DHX29: variants seen among roughly 807,000 people sequenced by gnomAD.
The protein encoded by DHX29 is DExH-box helicase 29, also known as ATP-dependent RNA helicase DHX29.
In DHX29, 79 loss-of-function variants were observed where a neutral mutation model predicts 167.9. The observed-to-expected ratio is 0.47, with a 90% confidence interval of 0.39 to 0.57. The LOEUF (loss-of-function observed/expected upper bound fraction) is 0.57, where lower values mean the gene tolerates loss of function less well. Ranked by LOEUF, DHX29 falls within the 20% of genes least tolerant of loss-of-function variation. The pLI, the probability that DHX29 is intolerant of heterozygous loss-of-function variation, is 0.00. For synonymous variants in DHX29, 530 were observed against 546.0 expected, an observed-to-expected ratio of 0.97 and a Z score of 0.41; for missense variants, 1,347 against 1,593.4, an observed-to-expected ratio of 0.85 and a Z score of 2.63.
chr5:55,282,798 TC>T (rs1579787928), intron 11 of DHX29, among the ~76,000 whole-genome samples: 1 of 152,274 alleles, frequency 6.6e-6, no homozygotes, highest in East Asian at 1.9e-4. Context: ...ATACTGTTTT[TC>T]CCTTCTGCTC....
intron 26 of DHX29, 40 bp from the exon 27 acceptor site, chr5:55,256,580 C>T: frequency 6.4e-7 from 1 of 1,560,912 alleles, no homozygotes. Context: ...ATAAATGCAA[C>T]ATTGTCTAAT....
intron 23 of DHX29, among the ~76,000 whole-genome samples, chr5:55,265,978 TCTC>T (rs1325983411): frequency 1.3e-5 from 2 of 152,056 alleles, no homozygotes; most frequent in East Asian, 1.9e-4. Flanking sequence ...ATGTAGATTC[TCTC>T]CTTTCAACTT....
chr5:55,304,131 G>A (rs1428350931), intron 1 of DHX29, among the ~76,000 whole-genome samples: 1 of 151,916 alleles, frequency 6.6e-6, no homozygotes, highest in East Asian at 1.9e-4. Context: ...AAAGAAGAAA[G>A]AAAAGAAAAG....
In DHX29 at chr5:55,277,218, C is replaced by T. The variant is rs778578334; in HGVS notation, c.2174G>A (p.Arg725His). 5 of 1,585,684 alleles carry T rather than the reference C, an allele frequency of 3.2e-6. No homozygotes were observed. The highest frequency in any genetic ancestry group is 2.3e-5 in the East Asian group (1 of 43,736). The change falls in exon 13 of 27, where the codon CGT (arginine) becomes CAT (histidine). Residue 725 changes from arginine to histidine, a missense_variant. Physicochemically the swap from Arg to His is conservative, Grantham distance 29. This residue lies in a region of DHX29 where 882 missense variants were observed against 1,082.4 expected (regional missense o/e 0.81). Coordinates refer to ENST00000251636, the MANE Select transcript of DHX29 (RefSeq NM_019030.4). ...CATTAGAATCAAGTGTAGATCAGAA[C>T]GTTTCTGTAAAATTTCCTTCAAGAT... ...LIILKEILQK[R>H]SDLHLILMSA...
At chr5:55,273,228 G>C in intron 17 of DHX29, 65 bp downstream of exon 17, 1 of 1,475,790 alleles carries the variant, frequency 6.8e-7, no homozygotes. Context: ...ATGATAAAAA[G>C]TTATACGGCC....
chr5:55,296,572 C>G (rs1189969423), intron 3 of DHX29, among the ~76,000 whole-genome samples: 1 of 152,084 alleles, frequency 6.6e-6, no homozygotes, highest in Non-Finnish European at 1.5e-5. Context: ...TTCTCACTAT[C>G]CAAAGATACT....
chr5:55,275,355 G>A (rs1298627882), intron 14 of DHX29, among the ~76,000 whole-genome samples: 20 of 152,254 alleles, frequency 1.3e-4, no homozygotes, highest in African/African-American at 4.1e-4. Context: ...AGGTCATAAC[G>A]TTAGTAAGTA....
rs144228375 is a variant in DHX29 at position 55,286,128 on chromosome 5, C to T, written c.1067-267G>A. Among the ~76,000 whole-genome samples the T allele has an allele frequency of 6.4e-3, 967 of 152,096 alleles. 12 individuals carry two copies. The highest frequency in any genetic ancestry group is 0.021 in the African/African-American group (885 of 41,470). ...AAATTATTCGGCGTGGTGGCGGGCG[C>T]CTGTAGTCCCAGCTACTCGGGAGGC... is the stretch of plus-strand genomic sequence containing the variant. On this transcript the variant is annotated intron_variant, in intron 8 of 26. Transcript: ENST00000251636.
At position 55,294,082 on chromosome 5, in the gene DHX29, G is replaced by T; in HGVS notation, c.715C>A (p.Gln239Lys). The change falls in exon 6 of 27, where the codon CAA (glutamine) becomes AAA (lysine). Residue 239 changes from glutamine to lysine, a missense_variant. Physicochemically the swap from Gln to Lys is moderately conservative, Grantham distance 53. Around this residue, in one of 3 missense-constraint regions of DHX29, gnomAD observed 405 missense variants for 416.8 expected, o/e 0.97. Coordinates refer to ENST00000251636, the MANE Select transcript of DHX29 (RefSeq NM_019030.4). The stretch of plus-strand genomic sequence containing the variant: ...TCATTCTTTTCTTCTTCATTTTGTT[G>T]TTCAGCATATCGTAAAATCCACTCT... ...MKEWILRYAE[Q>K]QNEEEKNENS... is the part of the protein sequence containing the mutation. The T allele has an allele frequency of 6.2e-7, 1 of 1,606,230 alleles. No homozygotes were observed. Among genetic ancestry groups the T allele is most frequent in the Non-Finnish European group, 8.5e-7 (1 of 1,176,784 alleles).
chr5:55,269,314 T>C, intron 21 of DHX29, 99 bp downstream of exon 21: 2 of 1,143,144 alleles, frequency 1.7e-6, no homozygotes, highest in Non-Finnish European at 2.5e-6. Flanking sequence ...GACATTCTAT[T>C]TAGTTAAAAA....
At chr5:55,289,707 G>GA (rs1050741731) in intron 7 of DHX29, among the ~76,000 whole-genome samples, 4 of 151,974 alleles carry the variant, frequency 2.6e-5, no homozygotes, top group Non-Finnish European at 5.9e-5. Context: ...AATAAGCCTG[G>GA]AAAAACAAAC....
Position 55,262,810 on chromosome 5 carries a change from A to T in DHX29, c.3648T>A (p.Leu1216=). 6.2e-7 allele frequency: 1 copy of T among 1,614,054 alleles called. No individual in the cohort carries two copies. The highest frequency in any genetic ancestry group is 2.2e-5 in the East Asian group (1 of 44,868). ...ACAGTCCAGCCACCAGTACAGCTTT[A>T]AGAAGGGCAATTTCTTGGAATGAGA... ...QTLSFQEIAL[L]KAVLVAGLYD... The change falls in exon 24 of 27, where the codon CTT becomes CTA. Residue 1216 remains leucine, a synonymous_variant. Transcript: ENST00000251636.
Position 55,267,998 on chromosome 5 carries a change from T to C in DHX29, c.3295-176A>G, listed in dbSNP as rs78134148. Among the ~76,000 whole-genome samples the C allele has an allele frequency of 2.0e-3, 311 of 152,300 alleles. 2 individuals carry two copies. Among genetic ancestry groups the C allele is most frequent in the African/African-American group, 7.3e-3 (305 of 41,574 alleles). On this transcript the variant is annotated intron_variant, in intron 21 of 26. Coordinates refer to ENST00000251636, the MANE Select transcript of DHX29 (RefSeq NM_019030.4). ...ACTAATTAATGTTTAATATAAAATA[T>C]TCTATAGCTAACTTATATTTTCATT... is the stretch of plus-strand genomic sequence containing the variant.
Position 55,285,607 on chromosome 5 carries a change from C to T in DHX29, c.1232+89G>A, listed in dbSNP as rs1006152855. The T allele has an allele frequency of 1.8e-5, 25 of 1,391,260 alleles. No individual in the cohort carries two copies. In the Admixed American group the frequency reaches 4.6e-4, roughly 26 times the overall value. The allele number at this position is 1,391,260 out of a possible 1,614,324, so 86.2% of individuals were successfully genotyped here. On this transcript the variant is annotated intron_variant, in intron 9 of 26. Coordinates refer to ENST00000251636, the MANE Select transcript of DHX29 (RefSeq NM_019030.4). The stretch of plus-strand genomic sequence containing the variant: ...GAATTGAGAGCTTCCTAAATGTCTG[C>T]TTACCTCACAGGGAACAAAAAGATT...
chr5:55,301,098 C>A (rs745888971), intron 1 of DHX29, among the ~76,000 whole-genome samples: 1 of 152,168 alleles, frequency 6.6e-6, no homozygotes, highest in Admixed American at 6.5e-5. Context: ...TCCCTGTGAT[C>A]TCATTTAACC....
rs1748937784 is a variant in DHX29, at chr5:55,307,450, C to T, written c.124G>A (p.Val42Met). The change falls in exon 1 of 27, where the codon GTG becomes ATG. Residue 42 changes from valine to methionine, a missense_variant. This residue lies in a region of DHX29 where 405 missense variants were observed against 416.8 expected (regional missense o/e 0.97). Coordinates refer to ENST00000251636, the MANE Select transcript of DHX29 (RefSeq NM_019030.4). ...IAGEAQSKKP[V>M]SRPATAAAAA... ...GCGGCAGCGGTGGCCGGCCTGGACA[C>T]TGGCTTCTTGCTTTGGGCCTCCCCG... The T allele has an allele frequency of 6.2e-7, 1 of 1,613,284 alleles. No homozygotes were observed.
intron 1 of DHX29, among the ~76,000 whole-genome samples, chr5:55,306,500 C>G (rs1748869853): frequency 6.6e-6 from 1 of 151,798 alleles, no homozygotes; most frequent in Non-Finnish European, 1.5e-5. Flanking sequence ...CTTTGTGGCA[C>G]TTATCTATTA....
intron 7 of DHX29, 138 bp downstream of exon 7, chr5:55,290,080 A>T: frequency 3.9e-6 from 4 of 1,026,480 alleles, no homozygotes; most frequent in Non-Finnish European, 5.6e-6. Flanking sequence ...ACTACTTATT[A>T]TTTTAAAAGT....
At chr5:55,257,833 T>C (rs375825911) in intron 26 of DHX29, among the ~76,000 whole-genome samples, 8 of 152,320 alleles carry the variant, frequency 5.3e-5, no homozygotes, top group African/African-American at 1.9e-4. Context: ...ATCATTTTGC[T>C]TAATTAAAAG....
Sources: allele counts gnomAD v4.1 joint callset (sites outside exome capture counted in the v4.1 genomes callset), GRCh38; gene constraint gnomAD v4.1.1; regional missense constraint gnomAD v4.1.1; transcripts MANE v1.5; gene names NCBI Gene and HGNC (gene_info 2026-07-23, HGNC 2026-07-21).